The following CAMTA1 variants were observed in gnomAD, a reference collection of about 807,000 sequenced individuals.
CAMTA1 encodes the protein calmodulin-binding transcription activator 1.
In CAMTA1, 27 loss-of-function variants were observed where a neutral mutation model predicts 170.9. That is an observed-to-expected ratio of 0.16 (90% CI 0.12 to 0.22). The LOEUF (loss-of-function observed/expected upper bound fraction) is 0.22, where lower values mean the gene tolerates loss of function less well. Among genes scored for constraint, CAMTA1 ranks in the 10% least tolerant of loss-of-function variants. The pLI is 1.00. For missense variants in CAMTA1, 1,619 were observed against 2,217.2 expected (o/e 0.73, Z 5.42); for synonymous variants, 833 against 891.5 (o/e 0.93, Z 1.17).
intron 6 of CAMTA1, among the ~76,000 whole-genome samples, chr1:7,500,196 C>G (rs1284900306): frequency 7.3e-6 from 1 of 137,856 alleles, no homozygotes; most frequent in African/African-American, 2.8e-5. Flanking sequence ...TGGTGTGAGC[C>G]TGGTGTGCGT....
rs1303669424 is a variant in CAMTA1 at position 7,767,559 on chromosome 1, T to C, written c.*1068T>C. ...AGAAAATATTTGAAAGGGATTATAT[T>C]AATTGCTAAATATTTTATTCACAAA... On this transcript the variant is annotated 3_prime_UTR_variant, in exon 23 of 23. Coordinates refer to ENST00000303635, the MANE Select transcript of CAMTA1 (RefSeq NM_015215.4). 6.5e-6 allele frequency: 1 copy of C among 152,750 alleles called. No homozygotes were observed. Among genetic ancestry groups the C allele is most frequent in the African/African-American group, 2.4e-5 (1 of 41,450 alleles). The allele number at this position is 152,750 out of a possible 1,614,324, so 9.5% of individuals were successfully genotyped here. A position where few individuals can be genotyped will look rare whatever the true frequency, so the allele number is the denominator to read the frequency against.
rs1428839078 is a variant in CAMTA1, at chr1:7,627,748, G to A, written c.511-12652G>A. Reference sequence around the variant, plus strand: ...TTTGATGGACTACTTAATTCCTTACGTTTTAGATTCTTTATGTGTAAAGCA... The same window carrying A: ...TTTGATGGACTACTTAATTCCTTACATTTTAGATTCTTTATGTGTAAAGCA... On this transcript the variant is annotated intron_variant, in intron 6 of 22. Transcript: ENST00000303635. Among the ~76,000 whole-genome samples the A allele has an allele frequency of 4.6e-5, 7 of 152,264 alleles. No homozygotes were observed. The East Asian group carries it at 9.6e-4, about 21-fold the overall frequency.
chr1:7,722,676 G>A (rs898912685), intron 11 of CAMTA1, among the ~76,000 whole-genome samples: 2 of 151,944 alleles, frequency 1.3e-5, no homozygotes, highest in Non-Finnish European at 2.9e-5. Context: ...AAACCTGAAG[G>A]TCTCTTTTTT....
intron 5 of CAMTA1, among the ~76,000 whole-genome samples, chr1:7,334,840 C>A (rs1057304866): frequency 6.6e-6 from 1 of 152,094 alleles, no homozygotes; most frequent in African/African-American, 2.4e-5. Context: ...AGCCATAAAA[C>A]CAACTGTTTT....
chr1:7,437,613 G>C (rs1489390618), intron 5 of CAMTA1, among the ~76,000 whole-genome samples: 2 of 152,204 alleles, frequency 1.3e-5, no homozygotes, highest in Non-Finnish European at 2.9e-5. Context: ...TTCAACGTAT[G>C]AATTTTGGGA....
chr1:7,380,313 G>A (rs1437108375), intron 5 of CAMTA1, among the ~76,000 whole-genome samples: 2 of 152,172 alleles, frequency 1.3e-5, no homozygotes, highest in Non-Finnish European at 2.9e-5. Flanking sequence ...GGTGGCTCAC[G>A]CCTCTAATTC....
In CAMTA1 at chr1:7,609,923, T is replaced by C. The variant is rs1051708994; in HGVS notation, c.511-30477T>C. On this transcript the variant is annotated intron_variant, in intron 6 of 22. Coordinates refer to ENST00000303635, the MANE Select transcript of CAMTA1 (RefSeq NM_015215.4). The surrounding 1 kb of genome is among the most constrained non-coding windows in gnomAD (Gnocchi z 4.4). ...CCTCTCCTGGTCTTCATTCTCTTATTTGTGAAATGAGAGGGTAAACTGTGG... is the reference window on the plus strand; with the variant it reads ...CCTCTCCTGGTCTTCATTCTCTTATCTGTGAAATGAGAGGGTAAACTGTGG... Among the ~76,000 whole-genome samples the C allele has an allele frequency of 6.6e-6, 1 of 152,144 alleles. No individual in the cohort carries two copies. The highest frequency in any genetic ancestry group is 1.5e-5 in the Non-Finnish European group (1 of 68,028).
chr1:7,423,469 C>CA (rs1016382434), intron 5 of CAMTA1, among the ~76,000 whole-genome samples: 1,611 of 47,292 alleles, frequency 0.034, 18 homozygotes, highest in East Asian at 0.087. Flanking sequence ...AACTCCATCT[C>CA]AAAAAAAAAA....
At chr1:7,436,182 G>A (rs999405682) in intron 5 of CAMTA1, among the ~76,000 whole-genome samples, 2 of 152,212 alleles carry the variant, frequency 1.3e-5, no homozygotes, top group African/African-American at 2.4e-5. Flanking sequence ...AAGCAGTCTG[G>A]GAGGCGAGAG....
intron 3 of CAMTA1, among the ~76,000 whole-genome samples, chr1:6,826,928 A>G (rs939525806): frequency 6.6e-6 from 1 of 152,214 alleles, no homozygotes; most frequent in Non-Finnish European, 1.5e-5. Context: ...CAACTTTCAC[A>G]TGTTTAATAA....
At chr1:7,177,457 C>T (rs539310582) in intron 4 of CAMTA1, among the ~76,000 whole-genome samples, 2 of 150,090 alleles carry the variant, frequency 1.3e-5, no homozygotes, top group Admixed American at 1.3e-4. Context: ...AGAGGCCCCT[C>T]CCACACCCTG....
At chr1:7,427,887 TCTCAGGGCCCCTTGCGA>T (rs1404647635) in intron 5 of CAMTA1, among the ~76,000 whole-genome samples, 1 of 152,098 alleles carries the variant, frequency 6.6e-6, no homozygotes, top group East Asian at 1.9e-4. Context: ...TCCAGAATAT[TCTCAGGGCCCCTTGCGA>T]CTCATCCTTT....
chr1:7,486,497 G>T (rs1037657489), intron 6 of CAMTA1, among the ~76,000 whole-genome samples: 2 of 152,146 alleles, frequency 1.3e-5, no homozygotes, highest in African/African-American at 4.8e-5. Flanking sequence ...GGAATGAAAG[G>T]CAGGGTCTCC....
At chr1:6,980,168 A>G (rs532119754) in intron 3 of CAMTA1, among the ~76,000 whole-genome samples, 1 of 152,284 alleles carries the variant, frequency 6.6e-6, no homozygotes, top group African/African-American at 2.4e-5. Flanking sequence ...GCTCACCTGC[A>G]GCTGTGCTGA....
At chr1:7,655,590 C>A (rs1240504468) in intron 7 of CAMTA1, among the ~76,000 whole-genome samples, 2 of 87,036 alleles carry the variant, frequency 2.3e-5, no homozygotes, top group Non-Finnish European at 5.6e-5. Flanking sequence ...ACACAAACAC[C>A]CCTATACACA....
At chr1:6,802,983 A>G (rs569584374) in intron 1 of CAMTA1, among the ~76,000 whole-genome samples, 1 of 152,302 alleles carries the variant, frequency 6.6e-6, no homozygotes, top group South Asian at 2.1e-4. Context: ...TGGCCAGCTC[A>G]AGCAATCCAC....
intron 6 of CAMTA1, among the ~76,000 whole-genome samples, chr1:7,537,527 C>T (rs2094563594): frequency 6.6e-6 from 1 of 152,232 alleles, no homozygotes; most frequent in Non-Finnish European, 1.5e-5. Flanking sequence ...CAGGCTGCCA[C>T]CAGCTGGAAT....
intron 4 of CAMTA1, among the ~76,000 whole-genome samples, chr1:7,125,345 C>G (rs1231768758): frequency 3.9e-5 from 6 of 152,156 alleles, no homozygotes; most frequent in Admixed American, 2.6e-4. Context: ...GTTGGTTGAG[C>G]CCCTCCTGTG....
At chr1:7,204,581 T>C (rs1287973133) in intron 4 of CAMTA1, among the ~76,000 whole-genome samples, 1 of 152,100 alleles carries the variant, frequency 6.6e-6, no homozygotes, top group Non-Finnish European at 1.5e-5. Context: ...TTGCAGATGG[T>C]CTATCCTGGA....
Sources: gnomAD v4.1 joint callset for allele counts (sites outside exome capture counted in the v4.1 genomes callset) on GRCh38, gnomAD v4.1.1 for gene constraint, Gnocchi (gnomAD v3.1) non-coding constraint, MANE v1.5 for transcripts, NCBI Gene and HGNC (gene_info 2026-07-23, HGNC 2026-07-21) for gene names.